EBF1: variants seen among roughly 807,000 people sequenced by gnomAD.
EBF1 encodes the protein transcription factor COE1.
EBF1 carries 10 observed loss-of-function variants against 68.4 expected under a neutral mutation model. The observed-to-expected ratio is 0.15, with a 90% CI of 0.09 to 0.25. EBF1 has a LOEUF of 0.25. Ranked by LOEUF, EBF1 falls within the 10% of genes least tolerant of loss-of-function variation. The pLI is 1.00. For missense variants in EBF1, 509 were observed against 794.4 expected (o/e 0.64, Z 4.32); for synonymous variants, 298 against 299.8 (o/e 0.99, Z 0.06).
At chr5:158,710,896 C>G (rs960612822) in intron 14 of EBF1, among the ~76,000 whole-genome samples, 1 of 152,160 alleles carries the variant, frequency 6.6e-6, no homozygotes, top group African/African-American at 2.4e-5. Context: ...TTTTACACAT[C>G]AGAAGAGTCA....
chr5:158,804,918 A>G (rs1271003241), intron 8 of EBF1, among the ~76,000 whole-genome samples: 2 of 152,126 alleles, frequency 1.3e-5, no homozygotes, highest in African/African-American at 2.4e-5. Context: ...AGGGTAAGAG[A>G]ATTTTCAAAA....
At chr5:158,706,504 T>C (rs1001090694) in intron 15 of EBF1, among the ~76,000 whole-genome samples, 4 of 152,174 alleles carry the variant, frequency 2.6e-5, no homozygotes, top group Non-Finnish European at 5.9e-5. Flanking sequence ...CATACGGTCT[T>C]CAGGAGAATC....
At chr5:158,806,885 A>G (rs991748472) in intron 8 of EBF1, among the ~76,000 whole-genome samples, 4 of 152,108 alleles carry the variant, frequency 2.6e-5, no homozygotes, top group Non-Finnish European at 5.9e-5. Context: ...TGGATGTTTG[A>G]TCCCATTACT....
chr5:158,936,155 C>A (rs1811975788), intron 6 of EBF1, among the ~76,000 whole-genome samples: 1 of 152,058 alleles, frequency 6.6e-6, no homozygotes, highest in South Asian at 2.1e-4. Flanking sequence ...TGCTTTTTTG[C>A]CAAGACCAGC....
intron 6 of EBF1, among the ~76,000 whole-genome samples, chr5:158,902,595 TTTATTA>T (rs60535761): frequency 1.7e-4 from 25 of 147,168 alleles, no homozygotes; most frequent in South Asian, 1.1e-3. Flanking sequence ...CCTGAATAAT[TTTATTA>T]TTATTATTAT....
intron 4 of EBF1, among the ~76,000 whole-genome samples, chr5:159,091,180 C>G (rs1365079096): frequency 6.6e-6 from 1 of 152,202 alleles, no homozygotes; most frequent in Non-Finnish European, 1.5e-5. Context: ...GGAAACAGCT[C>G]TAGCGTAAAT....
At chr5:158,748,078 A>G (rs1184053759) in intron 10 of EBF1, among the ~76,000 whole-genome samples, 1 of 152,208 alleles carries the variant, frequency 6.6e-6, no homozygotes, top group Non-Finnish European at 1.5e-5. Context: ...AAAGATGCCT[A>G]CAGTAAAAAT....
chr5:158,871,911 G>C (rs1314223122), intron 6 of EBF1, among the ~76,000 whole-genome samples: 1 of 152,210 alleles, frequency 6.6e-6, no homozygotes, highest in Non-Finnish European at 1.5e-5. Flanking sequence ...CACCAGCTTG[G>C]AACAGTCAGG....
chr5:158,978,835 C>CACACACAGAGAG (rs753714441), intron 6 of EBF1, among the ~76,000 whole-genome samples: 29 of 147,042 alleles, frequency 2.0e-4, no homozygotes, highest in African/African-American at 6.7e-4. Flanking sequence ...CACACACACA[C>CACACACAGAGAG]AGAGAGAGAG....
At chr5:158,782,082 G>A (rs1776552310) in intron 9 of EBF1, among the ~76,000 whole-genome samples, 1 of 152,140 alleles carries the variant, frequency 6.6e-6, no homozygotes, top group Non-Finnish European at 1.5e-5. Flanking sequence ...TTGCCCAACA[G>A]TTTTGCTTTC....
intron 5 of EBF1, among the ~76,000 whole-genome samples, chr5:159,083,844 C>G (rs1780145379): frequency 6.6e-6 from 1 of 152,208 alleles, no homozygotes; most frequent in African/African-American, 2.4e-5. Context: ...TCCAATTATT[C>G]AGAATATATT....
At position 158,737,266 on chromosome 5, in the gene EBF1, ATTTTTTTTTTTTTTTTTTT is replaced by A. The variant is rs61380054; in HGVS notation, c.1037-6128_1037-6110del. On this transcript the variant is annotated intron_variant, in intron 10 of 15. Coordinates refer to ENST00000313708, the MANE Select transcript of EBF1 (RefSeq NM_024007.5). ...CCAAACTGCCTTTGAACATGCCCTG[ATTTTTTTTTTTTTTTTTTT>A]TTTTTTTTTTTTTTTTGAGACGGAG... Among the ~76,000 whole-genome samples, 26 of 55,642 alleles carry A rather than the reference ATTTTTTTTTTTTTTTTTTT, an allele frequency of 4.7e-4. No homozygotes were observed. In the South Asian group the frequency reaches 0.017, roughly 36 times the overall value. The allele number at this position is 55,642 out of a possible 152,430, so 36.5% of individuals were successfully genotyped here.
rs576086868 is a variant in EBF1 at position 158,786,927 on chromosome 5, AAC to A, written c.910-9390_910-9389del. ...TAGAGTCTCTCCAAGCTTAAAAACA[AAC>A]AAAAAAAGATGTCAAAGCTTTACGA... On this transcript the variant is annotated intron_variant, in intron 9 of 15. Transcript: ENST00000313708. 1.7e-4 allele frequency among the ~76,000 whole-genome samples: 26 copies of A among 152,304 alleles called. 1 individual carries two copies. The South Asian group carries it at 5.2e-3, about 30-fold the overall frequency.
At chr5:158,997,706 A>G (rs1178169602) in intron 6 of EBF1, among the ~76,000 whole-genome samples, 1 of 152,110 alleles carries the variant, frequency 6.6e-6, no homozygotes, top group Admixed American at 6.5e-5. Context: ...CACATGTAAC[A>G]TGTCATCCCT....
intron 15 of EBF1, 141 bp downstream of exon 15, chr5:158,707,838 G>T: frequency 9.3e-7 from 1 of 1,079,520 alleles, no homozygotes; most frequent in Non-Finnish European, 1.3e-6. Context: ...AAATACAAAG[G>T]AACAGAAGAG....
At chr5:159,000,679 T>C (rs1040493122) in intron 6 of EBF1, among the ~76,000 whole-genome samples, 2 of 152,192 alleles carry the variant, frequency 1.3e-5, no homozygotes, top group African/African-American at 4.8e-5. Flanking sequence ...CTCCAATACC[T>C]TTTCTGATGA....
intron 10 of EBF1, among the ~76,000 whole-genome samples, chr5:158,733,434 T>C (rs1764523197): frequency 1.3e-5 from 2 of 152,122 alleles, no homozygotes; most frequent in African/African-American, 4.8e-5. Flanking sequence ...GACTGTCTGA[T>C]GTATGGCGGG....
chr5:158,819,778 CCTCACTAGGCT>C (rs1446505524), intron 8 of EBF1, among the ~76,000 whole-genome samples: 12 of 152,116 alleles, frequency 7.9e-5, no homozygotes, highest in Admixed American at 5.9e-4. Flanking sequence ...AAAGAAGAAA[CCTCACTAGGCT>C]AAATGGTCCC....
chr5:158,930,686 A>C (rs1232606782), intron 6 of EBF1, among the ~76,000 whole-genome samples: 1 of 152,214 alleles, frequency 6.6e-6, no homozygotes, highest in Non-Finnish European at 1.5e-5. Flanking sequence ...TCTTCATAAG[A>C]ATTCAAAATG....
Sources: allele counts gnomAD v4.1 joint callset (sites outside exome capture counted in the v4.1 genomes callset), GRCh38; gene constraint gnomAD v4.1.1; transcripts MANE v1.5; gene names NCBI Gene and HGNC (gene_info 2026-07-23, HGNC 2026-07-21).